Variants in CTNNA1 observed in about 807,000 individuals in gnomAD.
The protein encoded by CTNNA1 is catenin alpha 1, also known as catenin alpha-1.
In CTNNA1, 37 loss-of-function variants were observed where a neutral mutation model predicts 98.4. The ratio of observed to expected loss-of-function variants is 0.38; its 90% CI spans 0.29 to 0.49. CTNNA1 has a LOEUF of 0.49. Ranked by LOEUF, CTNNA1 falls within the 20% of genes least tolerant of loss-of-function variation. CTNNA1 has a pLI of 0.95. For synonymous variants in CTNNA1, 404 were observed against 413.2 expected (o/e 0.98, Z 0.27); for missense variants, 761 against 1,147.2 (o/e 0.66, Z 4.86).
At chr5:138,837,943 C>T (rs541723337) in intron 7 of CTNNA1, among the ~76,000 whole-genome samples, 8 of 151,778 alleles carry the variant, frequency 5.3e-5, no homozygotes, top group East Asian at 1.9e-4. Flanking sequence ...CTAAAGAGAC[C>T]GCATGGCCCC....
At chr5:138,854,428 C>A (rs1381858721) in intron 7 of CTNNA1, among the ~76,000 whole-genome samples, 2 of 152,154 alleles carry the variant, frequency 1.3e-5, no homozygotes, top group African/African-American at 4.8e-5. Flanking sequence ...CTCCATTTCC[C>A]CCCAACTGAA....
At chr5:138,850,016 TTAAGA>T (rs1443107428) in intron 7 of CTNNA1, among the ~76,000 whole-genome samples, 1 of 152,142 alleles carries the variant, frequency 6.6e-6, no homozygotes, top group Non-Finnish European at 1.5e-5. Flanking sequence ...ACTCTCTCTC[TTAAGA>T]TTTTTGTGTC....
At chr5:138,809,167 G>A (rs1758413562) in intron 3 of CTNNA1, among the ~76,000 whole-genome samples, 1 of 152,044 alleles carries the variant, frequency 6.6e-6, no homozygotes, top group East Asian at 1.9e-4. Context: ...AAATTCTTGA[G>A]CTCAGGATTG....
At chr5:138,755,404 A>G (rs540427468) in intron 1 of CTNNA1, among the ~76,000 whole-genome samples, 3 of 152,106 alleles carry the variant, frequency 2.0e-5, no homozygotes, top group African/African-American at 7.2e-5. Context: ...GGGAATTGTG[A>G]TATCACTCTC....
At chr5:138,924,909 G>A (rs1446561871) in intron 12 of CTNNA1, among the ~76,000 whole-genome samples, 199 bp downstream of exon 12, 4 of 152,152 alleles carry the variant, frequency 2.6e-5, no homozygotes, top group Non-Finnish European at 5.9e-5. Context: ...TATCTCATGA[G>A]TAATCACGGG....
At chr5:138,898,186 C>T (rs537194308) in intron 9 of CTNNA1, among the ~76,000 whole-genome samples, 11 of 114,524 alleles carry the variant, frequency 9.6e-5, no homozygotes, top group Admixed American at 3.9e-4. Context: ...TCTTGCTCTT[C>T]GTCTTACCGT....
intron 7 of CTNNA1, among the ~76,000 whole-genome samples, chr5:138,866,145 C>G (rs746546653): frequency 1.3e-5 from 2 of 152,044 alleles, no homozygotes; most frequent in Non-Finnish European, 2.9e-5. Context: ...AACTCTGTCT[C>G]TACCAAAAAT....
chr5:138,930,107 A>G (rs1251785504), intron 14 of CTNNA1, among the ~76,000 whole-genome samples: 1 of 152,202 alleles, frequency 6.6e-6, no homozygotes, highest in East Asian at 1.9e-4. Context: ...GGAAATGTCC[A>G]TCAGGGCCCA....
At chr5:138,861,272 C>G (rs953932042) in intron 7 of CTNNA1, among the ~76,000 whole-genome samples, 4 of 152,208 alleles carry the variant, frequency 2.6e-5, no homozygotes, top group South Asian at 4.1e-4. Context: ...TTGCCCACTT[C>G]AGCCTCCCGA....
chr5:138,776,044 T>C (rs1326497918), intron 1 of CTNNA1, among the ~76,000 whole-genome samples: 14 of 143,294 alleles, frequency 9.8e-5, no homozygotes, highest in African/African-American at 3.3e-4. Flanking sequence ...TGTTTCTTTT[T>C]TTTTTTTTTT....
chr5:138,928,723 CAGG>C (rs1764657849), intron 13 of CTNNA1, among the ~76,000 whole-genome samples: 1 of 152,210 alleles, frequency 6.6e-6, no homozygotes, highest in Non-Finnish European at 1.5e-5. Context: ...CACCTGAGGT[CAGG>C]AGTTCAAGAC....
chr5:138,844,510 A>G (rs575914586), intron 7 of CTNNA1, among the ~76,000 whole-genome samples: 1 of 152,260 alleles, frequency 6.6e-6, no homozygotes, highest in Non-Finnish European at 1.5e-5. Flanking sequence ...CCTCAACACA[A>G]TTTTAGGTGG....
chr5:138,860,488 T>G (rs1406969544), intron 7 of CTNNA1, among the ~76,000 whole-genome samples: 1 of 108,914 alleles, frequency 9.2e-6, no homozygotes, highest in South Asian at 3.5e-4. Context: ...CAGGGTTTGG[T>G]TTTTTTTGTT....
intron 10 of CTNNA1, among the ~76,000 whole-genome samples, chr5:138,905,095 A>C (rs1434542880): frequency 2.8e-5 from 4 of 141,512 alleles, no homozygotes; most frequent in Admixed American, 7.0e-5. Context: ...CTCCGTCTCA[A>C]AAAAAAAAAA....
At chr5:138,805,425 T>C (rs1031320735) in intron 3 of CTNNA1, among the ~76,000 whole-genome samples, 7 of 152,262 alleles carry the variant, frequency 4.6e-5, no homozygotes, top group African/African-American at 9.6e-5. Flanking sequence ...TTTGCTATTA[T>C]CTGCCTTTTT....
intron 7 of CTNNA1, among the ~76,000 whole-genome samples, chr5:138,885,487 C>G (rs1216441805): frequency 6.6e-6 from 1 of 152,164 alleles, no homozygotes; most frequent in African/African-American, 2.4e-5. Flanking sequence ...TGTTCCTTTT[C>G]TTTCAACTGC....
chr5:138,846,259 A>G (rs1377782498), intron 7 of CTNNA1, among the ~76,000 whole-genome samples: 1 of 152,146 alleles, frequency 6.6e-6, no homozygotes, highest in Admixed American at 6.5e-5. Flanking sequence ...GCCCAAGGGT[A>G]CTGGGTTTCT....
At chr5:138,901,655 C>T (rs376438701) in intron 9 of CTNNA1, among the ~76,000 whole-genome samples, 2 of 152,312 alleles carry the variant, frequency 1.3e-5, no homozygotes, top group African/African-American at 4.8e-5. Context: ...TCACAAACTC[C>T]TAGCCTCAAG....
intron 1 of CTNNA1, among the ~76,000 whole-genome samples, chr5:138,776,667 C>CG (rs1267672133): frequency 3.3e-3 from 482 of 145,520 alleles, no homozygotes; most frequent in African/African-American, 0.012. Context: ...GCTGGCCGGG[C>CG]GGGGGGCTGA....
Sources: gnomAD v4.1 joint callset for allele counts (sites outside exome capture counted in the v4.1 genomes callset) on GRCh38, gnomAD v4.1.1 for gene constraint, MANE v1.5 for transcripts, NCBI Gene and HGNC (gene_info 2026-07-23, HGNC 2026-07-21) for gene names.